IGSF21: variants seen among roughly 807,000 people sequenced by gnomAD.
The protein encoded by IGSF21 is immunoglobulin superfamily member 21.
Under a neutral mutation model 46.8 loss-of-function variants are expected in IGSF21, and 28 were observed. The observed-to-expected ratio is 0.60, with a 90% confidence interval of 0.44 to 0.82. The LOEUF is 0.82. Ranked by LOEUF, IGSF21 falls within the 40% of genes least tolerant of loss-of-function variation. The pLI is 0.00. For missense variants in IGSF21, 624 were observed against 665.5 expected (o/e 0.94, Z 0.69); for synonymous variants, 284 against 273.6 (o/e 1.04, Z -0.38).
chr1:18,121,724 C>G (rs2086235599), intron 1 of IGSF21, among the ~76,000 whole-genome samples: 1 of 152,114 alleles, frequency 6.6e-6, no homozygotes, highest in Non-Finnish European at 1.5e-5. Context: ...TGGTGTGTGA[C>G]CCTTTAGGAG....
chr1:18,258,406 C>T (rs1557611072), intron 2 of IGSF21, among the ~76,000 whole-genome samples: 2 of 152,186 alleles, frequency 1.3e-5, no homozygotes, highest in Non-Finnish European at 1.5e-5. Flanking sequence ...CTTTGGGGCT[C>T]CAGCAACCTT....
chr1:18,146,071 T>A (rs1242571096), intron 1 of IGSF21, among the ~76,000 whole-genome samples: 2 of 152,086 alleles, frequency 1.3e-5, no homozygotes, highest in Non-Finnish European at 2.9e-5. Context: ...CCCTCTCTGA[T>A]CCTGTTTACA....
At chr1:18,128,096 C>A (rs1018102181) in intron 1 of IGSF21, among the ~76,000 whole-genome samples, 10 of 152,172 alleles carry the variant, frequency 6.6e-5, no homozygotes, top group Non-Finnish European at 1.3e-4. Context: ...TAATGGATAA[C>A]TTACTACTCG....
intron 2 of IGSF21, among the ~76,000 whole-genome samples, chr1:18,274,371 G>C (rs2085080217): frequency 6.6e-6 from 1 of 152,230 alleles, no homozygotes; most frequent in Non-Finnish European, 1.5e-5. Flanking sequence ...ACTCTTCCTG[G>C]AGAGATTAGG....
In IGSF21 at chr1:18,285,295, C is replaced by T. The variant is rs193063769; in HGVS notation, c.184-6571C>T. On this transcript the variant is annotated intron_variant, in intron 2 of 9. Coordinates refer to ENST00000251296, the MANE Select transcript of IGSF21 (RefSeq NM_032880.5). The stretch of plus-strand genomic sequence containing the variant: ...CAAATTAAACAGCCAGGCCGGTCAG[C>T]GGGCTCTCACACTGCTGGCTGGACT... Among the ~76,000 whole-genome samples, 41 of 151,960 alleles carry T rather than the reference C, an allele frequency of 2.7e-4. No individual in the cohort carries two copies. In the South Asian group the frequency reaches 8.3e-3, roughly 31 times the overall value.
At chr1:18,193,302 G>C (rs2086975633) in intron 1 of IGSF21, among the ~76,000 whole-genome samples, 1 of 152,122 alleles carries the variant, frequency 6.6e-6, no homozygotes, top group African/African-American at 2.4e-5. Context: ...GGGCCCTGTG[G>C]GCCAAATTCA....
intron 3 of IGSF21, among the ~76,000 whole-genome samples, chr1:18,305,302 T>G (rs975787221): frequency 8.1e-5 from 12 of 148,622 alleles, no homozygotes; most frequent in Non-Finnish European, 7.4e-5. Flanking sequence ...GATGGATGCA[T>G]GGATAGATAA....
intron 4 of IGSF21, among the ~76,000 whole-genome samples, chr1:18,344,907 C>A (rs1347392359): frequency 6.6e-6 from 1 of 152,176 alleles, no homozygotes; most frequent in Non-Finnish European, 1.5e-5. Context: ...TCCAGGGAGC[C>A]AGGCTGCTGC....
At chr1:18,325,927 G>A (rs1423758835) in intron 3 of IGSF21, among the ~76,000 whole-genome samples, 1 of 152,110 alleles carries the variant, frequency 6.6e-6, no homozygotes, top group Non-Finnish European at 1.5e-5. Flanking sequence ...GTGCACACCT[G>A]GGTCACTAGG....
chr1:18,235,652 TTGGAAAAA>T (rs1389173442), intron 2 of IGSF21, among the ~76,000 whole-genome samples: 3 of 152,094 alleles, frequency 2.0e-5, no homozygotes, highest in African/African-American at 7.2e-5. Context: ...GGGGGTGATG[TTGGAAAAA>T]TGGGCAGAGA....
chr1:18,139,893 C>A (rs2086400033), intron 1 of IGSF21, among the ~76,000 whole-genome samples: 1 of 152,186 alleles, frequency 6.6e-6, no homozygotes, highest in Non-Finnish European at 1.5e-5. Context: ...AGCTCTCAAC[C>A]AAGGACAGAC....
At chr1:18,219,878 G>A (rs768048748) in intron 1 of IGSF21, among the ~76,000 whole-genome samples, 4 of 152,204 alleles carry the variant, frequency 2.6e-5, no homozygotes, top group Admixed American at 1.3e-4. Flanking sequence ...GGGCTTGTGA[G>A]ATAGCATGAA....
chr1:18,172,777 C>A (rs1031782381), intron 1 of IGSF21, among the ~76,000 whole-genome samples: 3 of 152,142 alleles, frequency 2.0e-5, no homozygotes, highest in Admixed American at 6.5e-5. Flanking sequence ...ACTGCACACC[C>A]AAGAAAAATT....
rs1424141624 is a variant in IGSF21, at chr1:18,365,842, G to A, written c.1015+145G>A. ...GGAGTCAGGATGAGCACAAATGGTAGAGTCAGGTTCTTAGGGAGGTTTGCT... is the reference window on the plus strand; with the variant it reads ...GGAGTCAGGATGAGCACAAATGGTAAAGTCAGGTTCTTAGGGAGGTTTGCT... On this transcript the variant is annotated intron_variant, in intron 6 of 9. Transcript: ENST00000251296. The surrounding 1 kb of genome is among the most constrained non-coding windows in gnomAD (Gnocchi z 4.8). 1.4e-6 allele frequency: 1 copy of A among 695,680 alleles called. No individual in the cohort carries two copies. The highest frequency in any genetic ancestry group is 2.4e-6 in the Non-Finnish European group (1 of 421,014). The allele number at this position is 695,680 out of a possible 1,614,324, so 43.1% of individuals were successfully genotyped here.
intron 1 of IGSF21, among the ~76,000 whole-genome samples, chr1:18,160,977 A>G (rs2086615427): frequency 6.6e-6 from 1 of 152,054 alleles, no homozygotes; most frequent in African/African-American, 2.4e-5. Flanking sequence ...CCTGGAAGAC[A>G]CTGGGAAGTC....
intron 1 of IGSF21, among the ~76,000 whole-genome samples, chr1:18,184,328 C>T (rs2086883473): frequency 6.6e-6 from 1 of 152,156 alleles, no homozygotes; most frequent in Non-Finnish European, 1.5e-5. Flanking sequence ...CTGGGCCAAA[C>T]CACCCTCCCT....
At chr1:18,314,067 G>A (rs905091254) in intron 3 of IGSF21, among the ~76,000 whole-genome samples, 5 of 152,174 alleles carry the variant, frequency 3.3e-5, no homozygotes, top group African/African-American at 1.2e-4. Flanking sequence ...ATTGGGCAAG[G>A]CTGCACACTG....
At chr1:18,160,671 G>A (rs762441679) in intron 1 of IGSF21, among the ~76,000 whole-genome samples, 3 of 152,080 alleles carry the variant, frequency 2.0e-5, no homozygotes, top group South Asian at 4.2e-4. Context: ...GGCTGCTCCT[G>A]TCATAGTCAT....
chr1:18,150,277 G>A (rs1309621330), intron 1 of IGSF21, among the ~76,000 whole-genome samples: 1 of 152,162 alleles, frequency 6.6e-6, no homozygotes, highest in East Asian at 1.9e-4. Flanking sequence ...GTTGAGCTGG[G>A]GTGGAATCCT....
Sources: allele counts gnomAD v4.1 joint callset (sites outside exome capture counted in the v4.1 genomes callset), GRCh38; gene constraint gnomAD v4.1.1; non-coding constraint Gnocchi (gnomAD v3.1); transcripts MANE v1.5; gene names NCBI Gene and HGNC (gene_info 2026-07-23, HGNC 2026-07-21).